The following GPLD1 variants were observed in gnomAD, a reference collection of about 807,000 sequenced individuals.
GPLD1 encodes the protein phosphatidylinositol-glycan-specific phospholipase D.
Under a neutral mutation model 112.6 loss-of-function variants are expected in GPLD1, and 84 were observed. That is an observed-to-expected ratio of 0.75 (90% CI 0.63 to 0.89). The LOEUF is 0.89. GPLD1 is among the 40% of genes least tolerant of loss of function. The pLI is 0.00. For synonymous variants in GPLD1, 386 were observed against 403.8 expected (o/e 0.96, Z 0.53); for missense variants, 1,044 against 1,051.5 (o/e 0.99, Z 0.10).
At position 24,427,488 on chromosome 6, in the gene GPLD1, T is replaced by C. The variant is rs1315753770; in HGVS notation, c.*1544A>G. 6.6e-6 allele frequency among the ~76,000 whole-genome samples: 1 copy of C among 152,146 alleles called. No individual in the cohort carries two copies. Among genetic ancestry groups the C allele is most frequent in the Non-Finnish European group, 1.5e-5 (1 of 68,020 alleles). Reference sequence around the variant, plus strand: ...AGTATTGGAGGGCACAGAAGGGTGATAGTCTTGGTTTTTATATTTGTCCTT... The same window carrying C: ...AGTATTGGAGGGCACAGAAGGGTGACAGTCTTGGTTTTTATATTTGTCCTT... On this transcript the variant is annotated 3_prime_UTR_variant, in exon 25 of 25. Coordinates refer to ENST00000230036, the MANE Select transcript of GPLD1 (RefSeq NM_001503.4).
intron 2 of GPLD1, among the ~76,000 whole-genome samples, chr6:24,483,986 G>GCTCCCTGCAAGCTCCGC (rs1266209176): frequency 2.4e-4 from 37 of 152,242 alleles, no homozygotes; most frequent in African/African-American, 8.9e-4. Flanking sequence ...TGCGATCTCC[G>GCTCCCTGCAAGCTCCGC]CTCCCTGCAA....
chr6:24,427,782 G>C lies in GPLD1; in HGVS notation c.*1250C>G, dbSNP rs1213025384. ...AATCACTTGAACCTGGGAGGCGGAGGTTGCAGTGAGCTGAGATCACATCAC... is the reference window on the plus strand; with the variant it reads ...AATCACTTGAACCTGGGAGGCGGAGCTTGCAGTGAGCTGAGATCACATCAC... On this transcript the variant is annotated 3_prime_UTR_variant, in exon 25 of 25. Coordinates refer to ENST00000230036, the MANE Select transcript of GPLD1 (RefSeq NM_001503.4). 7.1e-6 allele frequency among the ~76,000 whole-genome samples: 1 copy of C among 140,900 alleles called. No individual in the cohort carries two copies. The highest frequency in any genetic ancestry group is 2.3e-4 in the South Asian group (1 of 4,372). 92.4% of individuals were successfully genotyped at this position (140,900 alleles called of 152,430 possible). A position where few individuals can be genotyped will look rare whatever the true frequency, so the allele number is the denominator to read the frequency against.
intron 7 of GPLD1, among the ~76,000 whole-genome samples, chr6:24,471,272 A>G (rs1189653104): frequency 6.6e-6 from 1 of 152,206 alleles, no homozygotes; most frequent in Admixed American, 6.5e-5. Context: ...AGGTGGGCGG[A>G]TCACTTGAGC....
chr6:24,437,565 G>C lies in GPLD1; in HGVS notation c.2021-276C>G, dbSNP rs143331367. ...CACACAGCCACCTTTTTATTTTCTC[G>C]TATCACAAACTAGGTCACCCCCATG... On this transcript the variant is annotated intron_variant, in intron 20 of 24. Transcript: ENST00000230036. 5.3e-5 allele frequency among the ~76,000 whole-genome samples: 8 copies of C among 150,240 alleles called. 1 individual carries two copies. The highest frequency in any genetic ancestry group is 1.8e-4 in the African/African-American group (7 of 39,704).
intron 10 of GPLD1, among the ~76,000 whole-genome samples, chr6:24,466,048 A>G (rs1438022870): frequency 6.6e-6 from 1 of 152,154 alleles, no homozygotes; most frequent in Non-Finnish European, 1.5e-5. Context: ...GGTTTTCCCA[A>G]AAGAAACAGA....
Position 24,447,920 on chromosome 6 carries a change from T to C in GPLD1, c.1635A>G (p.Gly545=). ...GGCCAGAATAAAACGCAGCCACAAT[T>C]CCCTTCTGCTTCCCTCCACCTGGTG... is the stretch of plus-strand genomic sequence containing the variant. The part of the protein sequence containing the change: ...PFAPGGGKQK[G]IVAAFYSGPS... Residue 545 remains glycine (G), a synonymous_variant, in exon 17 of 25, where the codon GGA becomes GGG. Coordinates refer to ENST00000230036, the MANE Select transcript of GPLD1 (RefSeq NM_001503.4). 2 of 1,614,010 alleles carry C rather than the reference T, an allele frequency of 1.2e-6. No individual in the cohort carries two copies. The highest frequency in any genetic ancestry group is 1.7e-6 in the Non-Finnish European group (2 of 1,179,998).
At chr6:24,474,946 C>CAAAAA (rs10646493) in intron 5 of GPLD1, among the ~76,000 whole-genome samples, 175 bp downstream of exon 5, 2 of 108,666 alleles carry the variant, frequency 1.8e-5, no homozygotes, top group Non-Finnish European at 4.1e-5. Context: ...GACTCCATCT[C>CAAAAA]AAAAAAAAAA....
chr6:24,443,816 G>C (rs1762826431), intron 20 of GPLD1, among the ~76,000 whole-genome samples: 1 of 151,966 alleles, frequency 6.6e-6, no homozygotes, highest in Non-Finnish European at 1.5e-5. Flanking sequence ...GATTACAGGA[G>C]CGTGCCACTA....
chr6:24,442,274 C>T (rs1313730328), intron 20 of GPLD1, among the ~76,000 whole-genome samples: 1 of 151,378 alleles, frequency 6.6e-6, no homozygotes, highest in African/African-American at 2.4e-5. Flanking sequence ...ATGTGCCCAT[C>T]ACTATGCCTA....
chr6:24,449,226 G>A (rs1347173137), intron 15 of GPLD1, among the ~76,000 whole-genome samples: 1 of 152,080 alleles, frequency 6.6e-6, no homozygotes, highest in Non-Finnish European at 1.5e-5. Flanking sequence ...TGGAGTGTGA[G>A]GAGGAAGGGG....
intron 12 of GPLD1, among the ~76,000 whole-genome samples, chr6:24,459,546 C>CA (rs1291808345): frequency 1.1e-4 from 16 of 152,160 alleles, no homozygotes; most frequent in Middle Eastern, 3.2e-3. Context: ...CGTGAGCCAC[C>CA]ACGCCCATTC....
At chr6:24,443,625 G>A (rs1468822827) in intron 20 of GPLD1, among the ~76,000 whole-genome samples, 5 of 151,854 alleles carry the variant, frequency 3.3e-5, no homozygotes, top group South Asian at 2.1e-4. Context: ...CTGTGTCTTC[G>A]ATTTAATGAA....
chr6:24,475,053 C>CA, intron 5 of GPLD1, 68 bp downstream of exon 5: 1 of 808,896 alleles, frequency 1.2e-6, no homozygotes, highest in Non-Finnish European at 2.2e-6. Flanking sequence ...TTAAAACGGT[C>CA]AGGTTTTGAT....
chr6:24,444,191 G>A (rs982595140), intron 20 of GPLD1, among the ~76,000 whole-genome samples: 1 of 152,082 alleles, frequency 6.6e-6, no homozygotes, highest in African/African-American at 2.4e-5. Flanking sequence ...ATTCACAATA[G>A]TGTGAAACTG....
At chr6:24,474,107 C>T (rs78530179) in intron 5 of GPLD1, among the ~76,000 whole-genome samples, 71 of 151,284 alleles carry the variant, frequency 4.7e-4, no homozygotes, top group African/African-American at 1.6e-3. Flanking sequence ...ACCTGAGCAA[C>T]AAGAGTGAAA....
At chr6:24,437,374 T>G (rs1762612873) in intron 20 of GPLD1, 85 bp from the exon 21 acceptor site, 1 of 1,266,078 alleles carries the variant, frequency 7.9e-7, no homozygotes, top group East Asian at 2.3e-5. Flanking sequence ...CAAGTGACAC[T>G]GATCACTCGG....
rs1442590135 is a variant in GPLD1 at position 24,447,988 on chromosome 6, T to C, written c.1567A>G (p.Asn523Asp). ...LGWTLLAADV[N>D]GDSEPDLVIG... ...ACCAGATCGGGTTCACTGTCTCCAT[T>C]CACATCTGCAGCCAAGAGAGTCCAG... The change falls in exon 17 of 25, where the codon AAT (asparagine) becomes GAT (aspartate). Residue 523 changes from asparagine (N) to aspartate (D), a missense_variant. Coordinates refer to ENST00000230036, the MANE Select transcript of GPLD1 (RefSeq NM_001503.4). The C allele has an allele frequency of 1.2e-6, 2 of 1,613,772 alleles. No individual in the cohort carries two copies. The highest frequency in any genetic ancestry group is 1.7e-6 in the Non-Finnish European group (2 of 1,179,958).
intron 2 of GPLD1, among the ~76,000 whole-genome samples, chr6:24,483,180 T>C (rs1231476069): frequency 6.7e-6 from 1 of 150,028 alleles, no homozygotes; most frequent in African/African-American, 2.5e-5. Context: ...ATACAAAAAT[T>C]AGTGGGGCAT....
chr6:24,493,515 A>AAAAAC (rs1332810509), upstream of GPLD1, among the ~76,000 whole-genome samples: 3 of 152,056 alleles, frequency 2.0e-5, no homozygotes, highest in Non-Finnish European at 2.9e-5. Flanking sequence ...AACCACCACC[A>AAAAAC]AAAACAAAAC....
Sources: gnomAD v4.1 joint callset for allele counts (sites outside exome capture counted in the v4.1 genomes callset) on GRCh38, gnomAD v4.1.1 for gene constraint, MANE v1.5 for transcripts, NCBI Gene and HGNC (gene_info 2026-07-23, HGNC 2026-07-21) for gene names.